Variants in RBFOX3 observed in about 807,000 individuals in gnomAD.
RBFOX3 encodes RNA binding fox-1 homolog 3.
Under a neutral mutation model 48.7 loss-of-function variants are expected in RBFOX3, and 17 were observed. The ratio of observed to expected loss-of-function variants is 0.35; its 90% confidence interval spans 0.24 to 0.52. RBFOX3 has a LOEUF of 0.52. RBFOX3 is among the 20% of genes least tolerant of loss of function. RBFOX3 has a pLI of 0.94. For missense variants in RBFOX3, 382 were observed against 497.5 expected (o/e 0.77, Z 2.21); for synonymous variants, 212 against 209.5 (o/e 1.01, Z -0.10).
At chr17:79,459,553 G>A (rs2075090471) in intron 2 of RBFOX3, among the ~76,000 whole-genome samples, 1 of 152,158 alleles carries the variant, frequency 6.6e-6, no homozygotes, top group Non-Finnish European at 1.5e-5. Flanking sequence ...CCAGGCGAGG[G>A]ACCAGGCAAT....
intron 4 of RBFOX3, among the ~76,000 whole-genome samples, chr17:79,183,692 G>GGTGCGT (rs1411240670): frequency 6.6e-6 from 1 of 152,338 alleles, no homozygotes; most frequent in East Asian, 1.9e-4. Context: ...TGCAAAGAGT[G>GGTGCGT]GTGCGTGTGC....
At chr17:79,126,873 A>C (rs2037445703) in intron 4 of RBFOX3, among the ~76,000 whole-genome samples, 1 of 152,166 alleles carries the variant, frequency 6.6e-6, no homozygotes, top group African/African-American at 2.4e-5. Context: ...CCACTCACTG[A>C]GCTGAAATCT....
At chr17:79,156,355 C>T (rs1201879922) in intron 4 of RBFOX3, among the ~76,000 whole-genome samples, 1 of 152,152 alleles carries the variant, frequency 6.6e-6, no homozygotes, top group Non-Finnish European at 1.5e-5. Context: ...CTCCCGGGGC[C>T]TACACCAGAG....
intron 2 of RBFOX3, among the ~76,000 whole-genome samples, chr17:79,409,227 G>A (rs1232990873): frequency 1.3e-5 from 2 of 152,210 alleles, no homozygotes; most frequent in East Asian, 1.9e-4. Flanking sequence ...GCCCTACCAC[G>A]TTTTGTGTGT....
chr17:79,486,063 T>A (rs1180724353), intron 1 of RBFOX3, among the ~76,000 whole-genome samples: 2 of 152,234 alleles, frequency 1.3e-5, no homozygotes, highest in Non-Finnish European at 2.9e-5. Context: ...TTAGGGGACC[T>A]CAGGGCTCGC....
At position 79,390,484 on chromosome 17, in the gene RBFOX3, T is replaced by TC; in HGVS notation, c.-174-82661_-174-82660insG. Among the ~76,000 whole-genome samples the TC allele has an allele frequency of 6.6e-6, 1 of 152,024 alleles. No individual in the cohort carries two copies. The highest frequency in any genetic ancestry group is 1.9e-4 in the East Asian group (1 of 5,174). ...TACAGTCTTTGCGCCACTGCTTTTT[T>TC]TTTTTTTTTTTAGATGGAGTCTCGC... On this transcript the variant is annotated intron_variant, in intron 2 of 14. Coordinates refer to ENST00000693108, the MANE Select transcript of RBFOX3 (RefSeq NM_001350451.2). The surrounding 1 kb of genome is among the most constrained non-coding windows in gnomAD (Gnocchi z 4.2).
chr17:79,178,509 A>G (rs1485355690), intron 4 of RBFOX3, among the ~76,000 whole-genome samples: 1 of 152,204 alleles, frequency 6.6e-6, no homozygotes, highest in Non-Finnish European at 1.5e-5. Context: ...GCTGGAATCC[A>G]GGTTCTGCTT....
At chr17:79,612,430 T>C (rs1399891879), upstream of RBFOX3, among the ~76,000 whole-genome samples, 7 of 151,862 alleles carry the variant, frequency 4.6e-5, no homozygotes, top group Non-Finnish European at 8.8e-5. Context: ...GAGGGGAGTA[T>C]GGATTTGGAG....
chr17:79,446,918 T>C (rs1265942915), intron 2 of RBFOX3, among the ~76,000 whole-genome samples: 2 of 152,222 alleles, frequency 1.3e-5, no homozygotes, highest in Non-Finnish European at 2.9e-5. Flanking sequence ...TGTTGAATTC[T>C]TTCCTGAGAG....
intron 1 of RBFOX3, among the ~76,000 whole-genome samples, chr17:79,562,193 C>A (rs1241179666): frequency 6.6e-6 from 1 of 152,182 alleles, no homozygotes; most frequent in Non-Finnish European, 1.5e-5. Context: ...TTTATTCCTG[C>A]CTGCAAGGAA....
chr17:79,273,860 G>T (rs541596613), intron 3 of RBFOX3, among the ~76,000 whole-genome samples: 4 of 152,288 alleles, frequency 2.6e-5, no homozygotes, highest in South Asian at 4.1e-4. Flanking sequence ...GGGGAAGGAG[G>T]AACCTTCTGC....
intron 2 of RBFOX3, among the ~76,000 whole-genome samples, chr17:79,308,378 C>T (rs552959714): frequency 6.6e-6 from 1 of 152,280 alleles, no homozygotes; most frequent in East Asian, 1.9e-4. Flanking sequence ...TCTCATCAGA[C>T]CCCATCAGTG....
chr17:79,565,285 AT>A (rs1288480989), intron 1 of RBFOX3, among the ~76,000 whole-genome samples: 1 of 151,444 alleles, frequency 6.6e-6, no homozygotes, highest in Non-Finnish European at 1.5e-5. Flanking sequence ...AAGAGACACT[AT>A]TTACTATAAG....
chr17:79,228,352 A>T (rs2060580386), intron 4 of RBFOX3, among the ~76,000 whole-genome samples: 2 of 152,148 alleles, frequency 1.3e-5, no homozygotes, highest in Non-Finnish European at 2.9e-5. Context: ...AAAACCAGGG[A>T]GAAATTACTC....
At chr17:79,107,125 G>A (rs936469338) in intron 5 of RBFOX3, among the ~76,000 whole-genome samples, 1 of 152,214 alleles carries the variant, frequency 6.6e-6, no homozygotes, top group Admixed American at 6.5e-5. Flanking sequence ...GAACCTCCAC[G>A]GTCTCTTAGC....
chr17:79,660,595 A>T, the RBFOX3 span, among the ~76,000 whole-genome samples: 1 of 152,204 alleles, frequency 6.6e-6, no homozygotes, highest in Non-Finnish European at 1.5e-5. Context: ...CCACAACAAG[A>T]CTTCTTCTCA....
At chr17:79,643,893 T>C in the RBFOX3 span, among the ~76,000 whole-genome samples, 2 of 103,790 alleles carry the variant, frequency 1.9e-5, no homozygotes, top group Admixed American at 8.7e-5. Flanking sequence ...TCTTAAAAAG[T>C]AATTAAAAGG....
At chr17:79,339,511 G>A (rs1325851865) in intron 2 of RBFOX3, among the ~76,000 whole-genome samples, 1 of 152,276 alleles carries the variant, frequency 6.6e-6, no homozygotes, top group African/African-American at 2.4e-5. Flanking sequence ...GTTCCTTATT[G>A]GAGCTGGTGG....
intron 1 of RBFOX3, among the ~76,000 whole-genome samples, chr17:79,512,285 C>T (rs921589916): frequency 1.5e-5 from 2 of 137,250 alleles, no homozygotes; most frequent in African/African-American, 5.5e-5. Flanking sequence ...ATACATATTA[C>T]CATCGGGTAC....
Sources: gnomAD v4.1 joint callset for allele counts (sites outside exome capture counted in the v4.1 genomes callset) on GRCh38, gnomAD v4.1.1 for gene constraint, Gnocchi (gnomAD v3.1) non-coding constraint, MANE v1.5 for transcripts, NCBI Gene and HGNC (gene_info 2026-07-23, HGNC 2026-07-21) for gene names.